DLEU7: variants seen among roughly 807,000 people sequenced by gnomAD.
DLEU7 encodes deleted in lymphocytic leukemia 7.
A neutral mutation model predicts 16.0 loss-of-function variants in DLEU7; 17 were observed. The ratio of observed to expected loss-of-function variants is 1.06; its 90% CI spans 0.73 to 1.59. DLEU7 has a LOEUF of 1.59. Ranked by LOEUF, DLEU7 falls within the 40% of genes most tolerant of loss-of-function variation. The pLI, the probability that DLEU7 is intolerant of heterozygous loss-of-function variation, is 0.00. For missense variants in DLEU7, 308 were observed against 314.9 expected (o/e 0.98, Z 0.17); for synonymous variants, 113 against 139.8 (o/e 0.81, Z 1.35).
At chr13:50,843,713 T>C (rs1456330546), upstream of DLEU7, 21 of 1,469,688 alleles carry the variant, frequency 1.4e-5, no homozygotes, top group Non-Finnish European at 1.9e-5. This position sits in a 1 kb window ranked among gnomAD's most constrained non-coding sequence, Gnocchi z 5.7. Flanking sequence ...GCGGGGGCGT[T>C]GGGGTCGCCA....
chr13:50,753,383 G>A (rs1296976216), intron 1 of DLEU7, among the ~76,000 whole-genome samples: 2 of 152,222 alleles, frequency 1.3e-5, no homozygotes, highest in African/African-American at 4.8e-5. Context: ...GGAGGCTCGG[G>A]CTGCACAGGA....
chr13:50,748,853 C>A (rs1874480112), intron 1 of DLEU7, among the ~76,000 whole-genome samples: 1 of 152,148 alleles, frequency 6.6e-6, no homozygotes, highest in Non-Finnish European at 1.5e-5. Context: ...GAGGCTGAAG[C>A]AGTCTCCTCT....
chr13:50,721,413 T>C (rs923440150), intron 1 of DLEU7, among the ~76,000 whole-genome samples: 5 of 152,072 alleles, frequency 3.3e-5, no homozygotes, highest in African/African-American at 1.2e-4. Flanking sequence ...AAACTCCCCT[T>C]CACATATACA....
At position 50,836,175 on chromosome 13, in the gene DLEU7, T is replaced by C. The variant is rs143271188; in HGVS notation, c.459+7013A>G. 2.7e-3 allele frequency among the ~76,000 whole-genome samples: 406 copies of C among 152,334 alleles called. 3 individuals carry two copies. Among genetic ancestry groups the C allele is most frequent in the African/African-American group, 9.2e-3 (383 of 41,582 alleles). ...TTTTGAAAACAGTCACCTCTTGAGA[T>C]ACCTTGAGCTTTATTCTCTTACACT... On this transcript the variant is annotated intron_variant, in intron 1 of 1. Coordinates refer to ENST00000504404, the MANE Select transcript of DLEU7 (RefSeq NM_001306135.2).
intron 1 of DLEU7, among the ~76,000 whole-genome samples, chr13:50,832,142 A>T (rs1877292639): frequency 6.6e-6 from 1 of 152,086 alleles, no homozygotes; most frequent in African/African-American, 2.4e-5. Context: ...TAGGTTATTA[A>T]TTACTGCCTC....
At chr13:50,742,858 CCCATGGGCTGAAGTTTGCTGACGT>C (rs1874288610) in intron 1 of DLEU7, among the ~76,000 whole-genome samples, 1 of 152,090 alleles carries the variant, frequency 6.6e-6, no homozygotes, top group Non-Finnish European at 1.5e-5. Flanking sequence ...AAACAGGTGA[CCCATGGGCTGAAGTTTGCTGACGT>C]CCTATATAGA....
At chr13:50,751,192 TGA>T (rs1384226176) in intron 1 of DLEU7, among the ~76,000 whole-genome samples, 1 of 152,172 alleles carries the variant, frequency 6.6e-6, no homozygotes, top group African/African-American at 2.4e-5. Context: ...AGATATCACG[TGA>T]TTTTTGTTTT....
At chr13:50,797,677 G>A (rs915556805) in intron 1 of DLEU7, among the ~76,000 whole-genome samples, 3 of 152,100 alleles carry the variant, frequency 2.0e-5, no homozygotes, top group African/African-American at 7.2e-5. Context: ...TAGATCTTTA[G>A]GCATATAACT....
At chr13:50,791,670 A>G (rs1047784857) in intron 1 of DLEU7, among the ~76,000 whole-genome samples, 1 of 152,190 alleles carries the variant, frequency 6.6e-6, no homozygotes, top group Non-Finnish European at 1.5e-5. Flanking sequence ...TCAATCTTTA[A>G]GGAAAAATCC....
chr13:50,794,948 C>T (rs1013749852), intron 1 of DLEU7, among the ~76,000 whole-genome samples: 3 of 151,130 alleles, frequency 2.0e-5, no homozygotes, highest in African/African-American at 7.3e-5. Context: ...TATATAAATA[C>T]ATATAATTAT....
intron 1 of DLEU7, among the ~76,000 whole-genome samples, chr13:50,768,216 G>A (rs916554968): frequency 1.3e-5 from 2 of 151,870 alleles, no homozygotes; most frequent in African/African-American, 2.4e-5. Flanking sequence ...GTGTGTGTAC[G>A]TACACATATA....
chr13:50,773,059 A>G (rs1315402743), intron 1 of DLEU7, among the ~76,000 whole-genome samples: 1 of 152,106 alleles, frequency 6.6e-6, no homozygotes, highest in Non-Finnish European at 1.5e-5. Context: ...TGATCGAATC[A>G]GATACTGAAA....
At chr13:50,773,053 C>CTTCCACTTGATCTGATT (rs1276186824) in intron 1 of DLEU7, among the ~76,000 whole-genome samples, 10 of 152,136 alleles carry the variant, frequency 6.6e-5, no homozygotes, top group Middle Eastern at 6.8e-3. Context: ...TCCACTTGAT[C>CTTCCACTTGATCTGATT]GAATCAGATA....
At chr13:50,772,539 G>A (rs1429850651) in intron 1 of DLEU7, among the ~76,000 whole-genome samples, 1 of 152,142 alleles carries the variant, frequency 6.6e-6, no homozygotes, top group African/African-American at 2.4e-5. Context: ...TAGTTTGGCT[G>A]GATATGAAAT....
rs1873775860 is a variant in DLEU7 at position 50,726,893 on chromosome 13, T to A, written c.460-13653A>T. Among the ~76,000 whole-genome samples the A allele has an allele frequency of 6.6e-6, 1 of 152,122 alleles. No individual in the cohort carries two copies. Among genetic ancestry groups the A allele is most frequent in the Admixed American group, 6.5e-5 (1 of 15,274 alleles). Reference sequence around the variant, plus strand: ...TTCTTGGATGACACATGCCAATTAATCCAGTTAATCTTTTTCTTATCAGCA... The same window carrying A: ...TTCTTGGATGACACATGCCAATTAAACCAGTTAATCTTTTTCTTATCAGCA... On this transcript the variant is annotated intron_variant, in intron 1 of 1. Transcript: ENST00000400393. This position sits in a 1 kb window ranked among gnomAD's most constrained non-coding sequence, Gnocchi z 4.0.
chr13:50,754,721 G>T (rs1874700490), intron 1 of DLEU7, among the ~76,000 whole-genome samples: 3 of 152,140 alleles, frequency 2.0e-5, no homozygotes, highest in African/African-American at 7.2e-5. Flanking sequence ...TGTGCTATTT[G>T]TTGGCTGTGT....
intron 1 of DLEU7, among the ~76,000 whole-genome samples, chr13:50,716,453 A>G (rs1378202308): frequency 6.6e-6 from 1 of 152,264 alleles, no homozygotes; most frequent in African/African-American, 2.4e-5. Flanking sequence ...ACTATACAGA[A>G]AGAGTACTTT....
At chr13:50,813,983 T>A (rs1423187860) in intron 1 of DLEU7, among the ~76,000 whole-genome samples, 1 of 152,054 alleles carries the variant, frequency 6.6e-6, no homozygotes, top group Admixed American at 6.6e-5. Flanking sequence ...GAAAGAGAAG[T>A]CCACATATAG....
At chr13:50,719,463 C>G (rs1182490589) in intron 1 of DLEU7, among the ~76,000 whole-genome samples, 1 of 152,190 alleles carries the variant, frequency 6.6e-6, no homozygotes, top group Non-Finnish European at 1.5e-5. Context: ...TTTAAAAACT[C>G]TTCCTCATAA....
Sources: allele counts gnomAD v4.1 joint callset (sites outside exome capture counted in the v4.1 genomes callset), GRCh38; gene constraint gnomAD v4.1.1; non-coding constraint Gnocchi (gnomAD v3.1); transcripts MANE v1.5; gene names NCBI Gene and HGNC (gene_info 2026-07-23, HGNC 2026-07-21).